THSD4: variants seen among roughly 807,000 people sequenced by gnomAD.
THSD4 encodes thrombospondin type-1 domain-containing protein 4.
THSD4 carries 69 observed loss-of-function variants against 119.0 expected under a neutral mutation model. That is an observed-to-expected ratio of 0.58 (90% CI 0.48 to 0.71). The LOEUF is 0.71. Among genes scored for constraint, THSD4 ranks in the 30% least tolerant of loss-of-function variants. THSD4 has a pLI of 0.00. For missense variants in THSD4, 1,393 were observed against 1,391.1 expected (o/e 1.00, Z -0.02); for synonymous variants, 524 against 540.4 (o/e 0.97, Z 0.42).
chr15:71,539,280 A>G (rs1368324373), intron 7 of THSD4, among the ~76,000 whole-genome samples: 2 of 152,212 alleles, frequency 1.3e-5, no homozygotes, highest in Non-Finnish European at 2.9e-5. Context: ...CTGCATGGCC[A>G]GCTCCCTGAC....
intron 7 of THSD4, among the ~76,000 whole-genome samples, chr15:71,590,801 A>G (rs1481408341): frequency 6.6e-6 from 1 of 152,074 alleles, no homozygotes; most frequent in Non-Finnish European, 1.5e-5. Flanking sequence ...TAGGAGATCA[A>G]GACCATCCTG....
chr15:71,719,293 T>G (rs1567117306), intron 8 of THSD4, among the ~76,000 whole-genome samples: 2 of 152,332 alleles, frequency 1.3e-5, no homozygotes, highest in East Asian at 3.9e-4. Flanking sequence ...ACATCATGTT[T>G]TAGAAACTCA....
rs545474105 is a variant in THSD4 at position 71,781,861 on chromosome 15, T to G, written c.*4487T>G. The G allele has an allele frequency of 6.6e-6, 1 of 152,402 alleles. No individual in the cohort carries two copies. Among genetic ancestry groups the G allele is most frequent in the South Asian group, 2.1e-4 (1 of 4,824 alleles). The allele number at this position is 152,402 out of a possible 1,614,324, so 9.4% of individuals were successfully genotyped here. A position where few individuals can be genotyped will look rare whatever the true frequency, so the allele number is the denominator to read the frequency against. ...CTCAGGGCTTAGGGGAGTCTGTGAG[T>G]AGAAGAGCTTTAGGTGATTTGTTTG... On this transcript the variant is annotated 3_prime_UTR_variant, in exon 18 of 18. Coordinates refer to ENST00000261862, the MANE Select transcript of THSD4 (RefSeq NM_024817.3).
intron 6 of THSD4, among the ~76,000 whole-genome samples, chr15:71,374,049 A>C (rs1165497347): frequency 6.6e-6 from 1 of 152,208 alleles, no homozygotes; most frequent in Non-Finnish European, 1.5e-5. Flanking sequence ...AATGATATGC[A>C]AAATGCTGGC....
intron 6 of THSD4, among the ~76,000 whole-genome samples, chr15:71,353,997 C>A (rs1046109859): frequency 7.9e-5 from 12 of 152,236 alleles, no homozygotes; most frequent in Non-Finnish European, 2.9e-5. Context: ...ATTCCAGGGG[C>A]TGTCTGGAAA....
At chr15:71,629,098 C>T (rs1160458262) in intron 7 of THSD4, among the ~76,000 whole-genome samples, 1 of 152,206 alleles carries the variant, frequency 6.6e-6, no homozygotes, top group East Asian at 1.9e-4. Flanking sequence ...ACTTTTCTCA[C>T]TCTGTCAGCC....
chr15:71,767,255 A>G (rs528103545), intron 16 of THSD4: 3 of 152,356 alleles, frequency 2.0e-5, no homozygotes, highest in African/African-American at 7.2e-5. Flanking sequence ...TATTTTAGAT[A>G]ATCATAAAAG....
At chr15:71,471,883 C>T (rs2047585846) in intron 7 of THSD4, among the ~76,000 whole-genome samples, 1 of 152,022 alleles carries the variant, frequency 6.6e-6, no homozygotes. Flanking sequence ...CCAACTTGGC[C>T]ACATCCAACC....
At chr15:71,676,021 C>A (rs1199452490) in intron 8 of THSD4, among the ~76,000 whole-genome samples, 1 of 152,166 alleles carries the variant, frequency 6.6e-6, no homozygotes, top group African/African-American at 2.4e-5. Flanking sequence ...TTTGGGAATC[C>A]TTGGGCTAAA....
intron 7 of THSD4, among the ~76,000 whole-genome samples, chr15:71,492,251 T>G (rs2095603991): frequency 6.6e-6 from 1 of 152,030 alleles, no homozygotes; most frequent in South Asian, 2.1e-4. Context: ...TCTTAGGTTT[T>G]GTTTATTTTA....
chr15:71,364,566 C>G (rs1273067282), intron 6 of THSD4, among the ~76,000 whole-genome samples: 3 of 152,222 alleles, frequency 2.0e-5, no homozygotes, highest in Non-Finnish European at 2.9e-5. Flanking sequence ...CTAGCAAATA[C>G]TAATTTCCCC....
chr15:71,776,489 T>C (rs1198790008), intron 17 of THSD4, among the ~76,000 whole-genome samples: 1 of 152,244 alleles, frequency 6.6e-6, no homozygotes, highest in Non-Finnish European at 1.5e-5. Flanking sequence ...GTGGGAATCA[T>C]TTCACATTCA....
chr15:71,443,402 G>A (rs2047136053), intron 7 of THSD4, among the ~76,000 whole-genome samples: 1 of 148,300 alleles, frequency 6.7e-6, no homozygotes, highest in African/African-American at 2.5e-5. Flanking sequence ...ATCGACTGAT[G>A]TCCAACCTGT....
rs746459618 is a variant in THSD4, at chr15:71,242,902, G to T, written c.718G>T (p.Ala240Ser). 6.2e-7 allele frequency: 1 copy of T among 1,614,158 alleles called. No individual in the cohort carries two copies. Among genetic ancestry groups the T allele is most frequent in the South Asian group, 1.1e-5 (1 of 91,080 alleles). The change falls in exon 5 of 18, where the codon GCC becomes TCC. Residue 240 changes from alanine to serine, a missense_variant. Transcript: ENST00000261862. ...TCGCTCTGGACTGCAGGCTGCGGAG[G>T]CCCCCATCTACCAGCTACCTTTGAC... ...GPRSGLQAAE[A>S]PIYQLPLTHD...
chr15:71,224,634 G>A (rs1398451784), intron 4 of THSD4, among the ~76,000 whole-genome samples: 2 of 152,180 alleles, frequency 1.3e-5, no homozygotes, highest in Non-Finnish European at 2.9e-5. Flanking sequence ...AAGTCAGAAG[G>A]CTGAAGTCAA....
chr15:71,203,250 G>C (rs973417344), intron 3 of THSD4, among the ~76,000 whole-genome samples: 3 of 152,176 alleles, frequency 2.0e-5, no homozygotes, highest in African/African-American at 4.8e-5. Flanking sequence ...GATGGTGACA[G>C]GTTTGGGATG....
chr15:71,335,849 T>G (rs2045483381), intron 6 of THSD4, among the ~76,000 whole-genome samples: 1 of 152,002 alleles, frequency 6.6e-6, no homozygotes, highest in Admixed American at 6.6e-5. Flanking sequence ...ATGTGTAAAA[T>G]AAACCCACAA....
intron 8 of THSD4, among the ~76,000 whole-genome samples, chr15:71,717,121 T>A (rs1254042747): frequency 6.6e-6 from 1 of 152,220 alleles, no homozygotes; most frequent in Non-Finnish European, 1.5e-5. Context: ...GGGTTTCTGT[T>A]TTTGAAAATG....
intron 7 of THSD4, among the ~76,000 whole-genome samples, chr15:71,490,191 G>A (rs185991341): frequency 1.3e-5 from 2 of 151,708 alleles, no homozygotes; most frequent in African/African-American, 2.4e-5. Context: ...TTTGGAGGCC[G>A]AGGCAGGTGG....
Sources: allele counts gnomAD v4.1 joint callset (sites outside exome capture counted in the v4.1 genomes callset), GRCh38; gene constraint gnomAD v4.1.1; transcripts MANE v1.5; gene names NCBI Gene and HGNC (gene_info 2026-07-23, HGNC 2026-07-21).